The following TMEM26 variants were observed in gnomAD, a reference collection of about 807,000 sequenced individuals.
The protein encoded by TMEM26 is transmembrane protein 26.
TMEM26 carries 38 observed loss-of-function variants against 28.8 expected under a neutral mutation model. The observed-to-expected ratio is 1.32, with a 90% confidence interval of 1.02 to 1.73. The LOEUF (loss-of-function observed/expected upper bound fraction) is 1.73, where lower values mean the gene tolerates loss of function less well. TMEM26 is among the 40% of genes most tolerant of loss of function. The pLI is 0.00. For missense variants in TMEM26, 518 were observed against 447.1 expected (o/e 1.16, Z -1.43); for synonymous variants, 227 against 182.9 (o/e 1.24, Z -1.95).
intron 5 of TMEM26, among the ~76,000 whole-genome samples, chr10:61,411,527 T>G (rs1399968491): frequency 6.6e-6 from 1 of 152,240 alleles, no homozygotes; most frequent in Non-Finnish European, 1.5e-5. Flanking sequence ...GTGCTTATAT[T>G]CAAATTCAAA....
chr10:61,446,344 C>T (rs954310707), intron 1 of TMEM26, among the ~76,000 whole-genome samples: 1 of 152,134 alleles, frequency 6.6e-6, no homozygotes, highest in East Asian at 1.9e-4. Context: ...GAGTTCAAGA[C>T]TCAGGATATA....
chr10:61,439,802 C>G (rs1840062940), intron 1 of TMEM26, among the ~76,000 whole-genome samples: 1 of 152,156 alleles, frequency 6.6e-6, no homozygotes, highest in South Asian at 2.1e-4. Flanking sequence ...GCTGCTTTGC[C>G]TAGACTCAGC....
rs370923950 is a variant in TMEM26, at chr10:61,410,649, G to A, written c.780C>T (p.Ser260=). The A allele has an allele frequency of 3.2e-5, 51 of 1,613,972 alleles. No individual in the cohort carries two copies. The highest frequency in any genetic ancestry group is 4.2e-5 in the Non-Finnish European group (49 of 1,180,038). Residue 260 remains serine, a synonymous_variant, in exon 6 of 6, where the codon AGC becomes AGT. Coordinates refer to ENST00000399298, the MANE Select transcript of TMEM26 (RefSeq NM_178505.8). The part of the protein sequence containing the change: ...YSADLWNIGI[S]VFIQDGPFLV... ...GGAAGGGGCCATCTTGTATGAAGAC[G>A]CTGATTCCGATGTTCCACAGATCGG...
At chr10:61,447,691 T>G (rs1321623693) in intron 1 of TMEM26, among the ~76,000 whole-genome samples, 3 of 152,184 alleles carry the variant, frequency 2.0e-5, no homozygotes, top group African/African-American at 7.2e-5. Flanking sequence ...ATCGGTCATT[T>G]GAGGGTATGT....
intron 1 of TMEM26, among the ~76,000 whole-genome samples, chr10:61,444,812 T>C (rs1288459565): frequency 6.6e-6 from 1 of 152,034 alleles, no homozygotes; most frequent in Non-Finnish European, 1.5e-5. Context: ...TTACCAAGCT[T>C]TCCATCCTGG....
intron 2 of TMEM26, among the ~76,000 whole-genome samples, chr10:61,432,594 C>T (rs964049978): frequency 1.3e-5 from 2 of 151,982 alleles, no homozygotes; most frequent in Non-Finnish European, 2.9e-5. Flanking sequence ...GCTCCACCAC[C>T]GCCACTACAA....
rs201322680 is a variant in TMEM26, at chr10:61,410,739, G to A, written c.690C>T (p.Asn230=). The A allele has an allele frequency of 9.9e-6, 16 of 1,613,732 alleles. No homozygotes were observed. In the African/African-American group the frequency reaches 1.6e-4, roughly 16 times the overall value. ...LQFPLDLAVQ[N]VVCPVSVTER... ...CTGTCACAGACACAGGGCACACAAC[G>A]TTCTGTACTGAAAACACAAGACAGA... The change falls in exon 6 of 6, where the codon AAC becomes AAT. Residue 230 remains asparagine, a synonymous_variant. Coordinates refer to ENST00000399298, the MANE Select transcript of TMEM26 (RefSeq NM_178505.8).
intron 4 of TMEM26, among the ~76,000 whole-genome samples, chr10:61,416,786 G>A (rs1264059175): frequency 6.6e-6 from 1 of 151,978 alleles, no homozygotes; most frequent in Non-Finnish European, 1.5e-5. Flanking sequence ...AATTTTACTA[G>A]TATGTCAACA....
At chr10:61,433,469 T>C (rs1238147807) in intron 2 of TMEM26, among the ~76,000 whole-genome samples, 1 of 152,168 alleles carries the variant, frequency 6.6e-6, no homozygotes, top group Non-Finnish European at 1.5e-5. Flanking sequence ...AAATATTCCT[T>C]TGGGTCCAAC....
In TMEM26 at chr10:61,449,876, T is replaced by G. The variant is rs117469917; in HGVS notation, c.191+3015A>C. 5.8e-4 allele frequency among the ~76,000 whole-genome samples: 89 copies of G among 152,304 alleles called. No homozygotes were observed. In the East Asian group the frequency reaches 0.016, roughly 27 times the overall value. Reference sequence around the variant, plus strand: ...TCAATTGATACAAAGGACAATTCTTTTACATTTTTAAAAAATGTAACCATA... The same window carrying G: ...TCAATTGATACAAAGGACAATTCTTGTACATTTTTAAAAAATGTAACCATA... On this transcript the variant is annotated intron_variant, in intron 1 of 5. Transcript: ENST00000399298.
chr10:61,413,667 T>C (rs1839606496), intron 4 of TMEM26, 132 bp from the exon 5 acceptor site: 1 of 1,324,100 alleles, frequency 7.6e-7, no homozygotes, highest in African/African-American at 1.5e-5. Context: ...ATTTAATAAA[T>C]CAATGAAAAA....
chr10:61,430,680 G>A (rs2135311567), intron 3 of TMEM26, among the ~76,000 whole-genome samples: 1 of 151,626 alleles, frequency 6.6e-6, no homozygotes, highest in Admixed American at 6.6e-5. Flanking sequence ...CAAAGAATAA[G>A]TGAAATTTGA....
intron 4 of TMEM26, 41 bp from the exon 5 acceptor site, chr10:61,413,576 T>C: frequency 1.3e-6 from 2 of 1,568,272 alleles, no homozygotes; most frequent in Non-Finnish European, 1.7e-6. Context: ...ATAAAAAGTA[T>C]GATCACATGC....
chr10:61,423,453 A>C (rs1374083555), intron 4 of TMEM26, among the ~76,000 whole-genome samples: 1 of 152,226 alleles, frequency 6.6e-6, no homozygotes, highest in Non-Finnish European at 1.5e-5. Context: ...ACATGTAAAA[A>C]ATATTACAGA....
intron 4 of TMEM26, among the ~76,000 whole-genome samples, chr10:61,420,706 T>G (rs1288238841): frequency 1.4e-5 from 2 of 147,098 alleles, no homozygotes; most frequent in East Asian, 3.9e-4. Context: ...GAAGGCAAAA[T>G]AAGAACATTT....
rs1839547489 is a variant in TMEM26, at chr10:61,410,342, C to T, written c.1087G>A (p.Asp363Asn). ...PLRGSPVTSD[D>N]SHHTP is the part of the protein sequence containing the mutation. ...AATAACTAAGGGGTGTGGTGGGAGT[C>T]GTCGGAGGTGACTGGGGAGCCCCGC... is the stretch of plus-strand genomic sequence containing the variant. The change falls in exon 6 of 6, where the codon GAC (aspartate) becomes AAC (asparagine). Residue 363 changes from aspartate (D) to asparagine (N), a missense_variant. Transcript: ENST00000399298. The T allele has an allele frequency of 1.2e-6, 2 of 1,612,394 alleles. No individual in the cohort carries two copies. Among genetic ancestry groups the T allele is most frequent in the East Asian group, 2.2e-5 (1 of 44,834 alleles).
At chr10:61,436,656 A>G (rs1840013560) in intron 1 of TMEM26, among the ~76,000 whole-genome samples, 1 of 152,234 alleles carries the variant, frequency 6.6e-6, no homozygotes, top group African/African-American at 2.4e-5. Context: ...AGATATGGCT[A>G]CATTTTTCAA....
At chr10:61,432,838 T>A (rs531457832) in intron 2 of TMEM26, among the ~76,000 whole-genome samples, 3 of 152,156 alleles carry the variant, frequency 2.0e-5, no homozygotes, top group Admixed American at 6.5e-5. Flanking sequence ...AAAATGGCCA[T>A]ATTCCATATC....
At chr10:61,449,795 G>A (rs529620859) in intron 1 of TMEM26, among the ~76,000 whole-genome samples, 18 of 147,534 alleles carry the variant, frequency 1.2e-4, no homozygotes, top group East Asian at 7.9e-4. Flanking sequence ...TTTCCTTTTC[G>A]CCTTCCCTTT....
Sources: allele counts gnomAD v4.1 joint callset (sites outside exome capture counted in the v4.1 genomes callset), GRCh38; gene constraint gnomAD v4.1.1; transcripts MANE v1.5; gene names NCBI Gene and HGNC (gene_info 2026-07-23, HGNC 2026-07-21).